The following SUGCT variants were observed in gnomAD, a reference collection of about 807,000 sequenced individuals.
SUGCT encodes the protein succinyl-CoA:glutarate-CoA transferase, also known as succinyl-CoA:glutarate CoA-transferase.
SUGCT carries 41 observed loss-of-function variants against 55.0 expected under a neutral mutation model. That is an observed-to-expected ratio of 0.74 (90% CI 0.58 to 0.97). SUGCT has a LOEUF of 0.97. Ranked by LOEUF, SUGCT falls within the 50% of genes least tolerant of loss-of-function variation. The pLI, the probability that SUGCT is intolerant of heterozygous loss-of-function variation, is 0.00. For synonymous variants in SUGCT, 187 were observed against 200.4 expected (o/e 0.93, Z 0.56); for missense variants, 568 against 547.8 (o/e 1.04, Z -0.37).
At chr7:41,026,336 A>T in the SUGCT span, among the ~76,000 whole-genome samples, 2 of 152,212 alleles carry the variant, frequency 1.3e-5, no homozygotes, top group East Asian at 3.9e-4. Context: ...TGAACCATCC[A>T]TTCATACAAC....
chr7:40,944,658 T>C, the SUGCT span, among the ~76,000 whole-genome samples: 8 of 152,360 alleles, frequency 5.3e-5, no homozygotes, highest in East Asian at 1.3e-3. Flanking sequence ...CCATGCTGTT[T>C]TGGTTACTGT....
At chr7:40,703,015 T>C (rs1785232817) in intron 12 of SUGCT, among the ~76,000 whole-genome samples, 1 of 151,824 alleles carries the variant, frequency 6.6e-6, no homozygotes, top group Non-Finnish European at 1.5e-5. Context: ...TGGACTGTTA[T>C]AACAGGAGAA....
chr7:40,745,936 T>A (rs965512659), intron 12 of SUGCT, among the ~76,000 whole-genome samples: 2 of 152,196 alleles, frequency 1.3e-5, no homozygotes, highest in Non-Finnish European at 2.9e-5. Flanking sequence ...AAACATTTTT[T>A]AATTGAATTT....
intron 1 of SUGCT, chr7:40,153,679 G>T: frequency 3.9e-6 from 2 of 514,100 alleles, no homozygotes; most frequent in Admixed American, 2.0e-5. Context: ...ACTACTTAAT[G>T]TTTTCACGTT....
intron 12 of SUGCT, among the ~76,000 whole-genome samples, chr7:40,673,601 A>C (rs1040839852): frequency 6.6e-6 from 1 of 152,194 alleles, no homozygotes; most frequent in African/African-American, 2.4e-5. Context: ...TAAGGGCGCT[A>C]TGTAAAGCTG....
At chr7:40,338,972 A>G (rs1038413165) in intron 9 of SUGCT, among the ~76,000 whole-genome samples, 1 of 152,182 alleles carries the variant, frequency 6.6e-6, no homozygotes, top group Admixed American at 6.5e-5. Context: ...AACAGTCAGG[A>G]TCCTCAGCTG....
chr7:40,757,274 G>A (rs1788303349), intron 13 of SUGCT, among the ~76,000 whole-genome samples: 1 of 152,166 alleles, frequency 6.6e-6, no homozygotes, highest in African/African-American at 2.4e-5. Context: ...GAAGCATCAG[G>A]AGCCAAGTTA....
intron 8 of SUGCT, among the ~76,000 whole-genome samples, chr7:40,283,426 A>G (rs1793101211): frequency 6.6e-6 from 1 of 151,954 alleles, no homozygotes; most frequent in African/African-American, 2.4e-5. Context: ...ACGGGGTTCC[A>G]CCATGTTGAC....
intron 6 of SUGCT, among the ~76,000 whole-genome samples, chr7:40,196,640 C>T (rs559593452): frequency 2.0e-5 from 3 of 152,122 alleles, no homozygotes; most frequent in Non-Finnish European, 4.4e-5. Context: ...TAGCTACTGG[C>T]GAAGAGGGTT....
intron 13 of SUGCT, among the ~76,000 whole-genome samples, chr7:40,846,978 G>A (rs1793586812): frequency 6.6e-6 from 1 of 152,170 alleles, no homozygotes; most frequent in Non-Finnish European, 1.5e-5. Flanking sequence ...TGCTTAACAC[G>A]TGTAAGTACT....
chr7:40,219,338 C>G (rs1455651842), intron 6 of SUGCT, among the ~76,000 whole-genome samples: 1 of 152,160 alleles, frequency 6.6e-6, no homozygotes, highest in Non-Finnish European at 1.5e-5. Flanking sequence ...CCCACCAATT[C>G]CGGACACATT....
At chr7:40,890,536 G>A in the SUGCT span, among the ~76,000 whole-genome samples, 1 of 151,740 alleles carries the variant, frequency 6.6e-6, no homozygotes, top group Non-Finnish European at 1.5e-5. Flanking sequence ...CTAGTACCAG[G>A]CCAGCCCCTT....
chr7:40,735,059 A>G (rs1787086872), intron 12 of SUGCT, among the ~76,000 whole-genome samples: 1 of 152,218 alleles, frequency 6.6e-6, no homozygotes, highest in Admixed American at 6.5e-5. Flanking sequence ...CTAAGTGAAG[A>G]CAGCACACAC....
rs115006155 is a variant in SUGCT, at chr7:40,447,755, G to A, written c.817-1532G>A. Among the ~76,000 whole-genome samples, 305 of 152,276 alleles carry A rather than the reference G, an allele frequency of 2.0e-3. 2 individuals carry two copies. Among genetic ancestry groups the A allele is most frequent in the African/African-American group, 7.0e-3 (292 of 41,570 alleles). Reference sequence around the variant, plus strand: ...AAGCAAGTTCTGGAGGATGCAGGTGGAGGTGATCAGCCCAGGAGTAAGTCC... The same window carrying A: ...AAGCAAGTTCTGGAGGATGCAGGTGAAGGTGATCAGCCCAGGAGTAAGTCC... On this transcript the variant is annotated intron_variant, in intron 9 of 13. Coordinates refer to ENST00000335693, the MANE Select transcript of SUGCT (RefSeq NM_001193313.2).
intron 9 of SUGCT, among the ~76,000 whole-genome samples, chr7:40,327,410 T>G (rs2151138252): frequency 6.6e-6 from 1 of 152,336 alleles, no homozygotes; most frequent in African/African-American, 2.4e-5. Context: ...GGCTACTTCT[T>G]AGGAAAGATT....
intron 6 of SUGCT, among the ~76,000 whole-genome samples, chr7:40,205,082 C>T (rs886858010): frequency 6.6e-5 from 10 of 151,524 alleles, no homozygotes; most frequent in African/African-American, 1.9e-4. Flanking sequence ...GGCGAAACCC[C>T]GTCTCTACTA....
At position 40,279,351 on chromosome 7, in the gene SUGCT, C is replaced by T. The variant is rs183365564; in HGVS notation, c.720+4695C>T. 3.2e-4 allele frequency among the ~76,000 whole-genome samples: 48 copies of T among 152,114 alleles called. 1 individual carries two copies. The highest frequency in any genetic ancestry group is 5.4e-4 in the Non-Finnish European group (37 of 67,998). ...TGGCATAAGCAATTCCTGGTACTAG[C>T]GATGGGGTTAACTCCACCCAAACTG... On this transcript the variant is annotated intron_variant, in intron 8 of 13. Transcript: ENST00000335693.
intron 12 of SUGCT, among the ~76,000 whole-genome samples, chr7:40,710,194 A>G (rs1291699976): frequency 6.6e-6 from 1 of 152,208 alleles, no homozygotes; most frequent in Non-Finnish European, 1.5e-5. Flanking sequence ...GGGTTATGAA[A>G]CATTCTCTGC....
intron 13 of SUGCT, among the ~76,000 whole-genome samples, chr7:40,799,535 A>T (rs1790712144): frequency 6.6e-6 from 1 of 152,242 alleles, no homozygotes; most frequent in African/African-American, 2.4e-5. Context: ...TTTACCATTC[A>T]TAAAATATTT....
Sources: gnomAD v4.1 joint callset for allele counts (sites outside exome capture counted in the v4.1 genomes callset) on GRCh38, gnomAD v4.1.1 for gene constraint, MANE v1.5 for transcripts, NCBI Gene and HGNC (gene_info 2026-07-23, HGNC 2026-07-21) for gene names.